The following DPYD variants were observed in gnomAD, a reference collection of about 807,000 sequenced individuals.
DPYD encodes dihydropyrimidine dehydrogenase [NADP(+)].
A neutral mutation model predicts 116.2 loss-of-function variants in DPYD; 109 were observed. The ratio of observed to expected loss-of-function variants is 0.94; its 90% CI spans 0.80 to 1.10. The LOEUF (loss-of-function observed/expected upper bound fraction) is 1.10, where lower values mean the gene tolerates loss of function less well. DPYD is among the 50% of genes least tolerant of loss of function. DPYD has a pLI of 0.00. For missense variants in DPYD, 1,302 were observed against 1,254.5 expected, an observed-to-expected ratio of 1.04 and a Z score of -0.57; for synonymous variants, 440 against 432.0, an observed-to-expected ratio of 1.02 and a Z score of -0.23.
chr1:97,280,266 T>C (rs1217048264), intron 18 of DPYD: 2 of 151,752 alleles, frequency 1.3e-5, no homozygotes, highest in African/African-American at 2.4e-5. Context: ...AATAAATGAA[T>C]AATGAGGCAG....
intron 16 of DPYD, among the ~76,000 whole-genome samples, chr1:97,332,188 C>T (rs1420645122): frequency 1.3e-5 from 2 of 152,276 alleles, no homozygotes; most frequent in East Asian, 1.9e-4. Context: ...GTCTGAGCTG[C>T]TTCTCTACAA....
chr1:97,902,103 AC>A, intron 1 of DPYD, among the ~76,000 whole-genome samples: 1 of 151,800 alleles, frequency 6.6e-6, no homozygotes, highest in African/African-American at 2.4e-5. Flanking sequence ...ATCTCCAGGA[AC>A]TTATATAAGG....
chr1:97,446,164 G>A (rs189180156), intron 14 of DPYD, among the ~76,000 whole-genome samples: 6 of 152,218 alleles, frequency 3.9e-5, no homozygotes, highest in South Asian at 4.2e-4. Context: ...TACTCACCAC[G>A]ACATCAAAAT....
intron 5 of DPYD, among the ~76,000 whole-genome samples, chr1:97,704,842 C>T (rs934116912): frequency 4.0e-5 from 6 of 151,884 alleles, no homozygotes; most frequent in South Asian, 2.1e-4. Context: ...ACTGCCGAAA[C>T]AATGTAATAA....
chr1:97,905,041 T>C (rs1177592731), intron 1 of DPYD, among the ~76,000 whole-genome samples: 3 of 152,012 alleles, frequency 2.0e-5, no homozygotes, highest in Non-Finnish European at 4.4e-5. Flanking sequence ...TTAAGCCCAA[T>C]ATATGTTTTT....
At chr1:97,228,506 T>A (rs1661345970) in intron 19 of DPYD, among the ~76,000 whole-genome samples, 1 of 152,188 alleles carries the variant, frequency 6.6e-6, no homozygotes, top group African/African-American at 2.4e-5. Context: ...ATCTTAATTT[T>A]AGTAGGGCAC....
At chr1:97,469,397 CAAAAAAAAAAAAAAAAAAAA>C (rs59090402) in intron 13 of DPYD, among the ~76,000 whole-genome samples, 1 of 80,800 alleles carries the variant, frequency 1.2e-5, no homozygotes, top group African/African-American at 5.4e-5. Flanking sequence ...GCTAAAATTG[CAAAAAAAAAAAAAAAAAAAA>C]AAAAAAAAAA....
chr1:97,697,285 C>T (rs570954238), intron 6 of DPYD, among the ~76,000 whole-genome samples: 9 of 152,150 alleles, frequency 5.9e-5, no homozygotes, highest in Admixed American at 2.6e-4. Flanking sequence ...GGTTGTGATA[C>T]TAATTCACCA....
intron 14 of DPYD, among the ~76,000 whole-genome samples, chr1:97,424,754 C>T (rs1025063320): frequency 6.6e-6 from 1 of 151,896 alleles, no homozygotes; most frequent in African/African-American, 2.4e-5. Context: ...TTCTTCTGCC[C>T]ACAGTGAACT....
chr1:97,762,133 T>A (rs1204462175), intron 3 of DPYD, among the ~76,000 whole-genome samples: 1 of 151,826 alleles, frequency 6.6e-6, no homozygotes, highest in East Asian at 1.9e-4. Flanking sequence ...ACAACAAACC[T>A]GCACATGGAC....
chr1:97,885,227 C>A (rs558868074), intron 1 of DPYD, among the ~76,000 whole-genome samples: 2 of 152,066 alleles, frequency 1.3e-5, no homozygotes, highest in South Asian at 2.1e-4. Flanking sequence ...GGGTCATGTT[C>A]ATCATTTTCA....
intron 3 of DPYD, among the ~76,000 whole-genome samples, chr1:97,746,725 A>G (rs1664578508): frequency 6.6e-6 from 1 of 152,114 alleles, no homozygotes. Flanking sequence ...AGGTACAGAC[A>G]GTTATAACCA....
At chr1:97,165,345 A>G (rs538465532) in intron 20 of DPYD, among the ~76,000 whole-genome samples, 1 of 152,344 alleles carries the variant, frequency 6.6e-6, no homozygotes, top group Non-Finnish European at 1.5e-5. Context: ...TCCCTGTTCG[A>G]TAAATGATGC....
intron 12 of DPYD, among the ~76,000 whole-genome samples, chr1:97,544,221 A>G (rs1232645434): frequency 6.6e-6 from 1 of 152,202 alleles, no homozygotes; most frequent in Non-Finnish European, 1.5e-5. Context: ...TAAGTTAATG[A>G]CAATGTGGAG....
intron 3 of DPYD, among the ~76,000 whole-genome samples, chr1:97,825,142 C>G (rs1669172075): frequency 6.6e-6 from 1 of 151,928 alleles, no homozygotes; most frequent in Admixed American, 6.6e-5. Context: ...TTTTACACAC[C>G]AGGGCTACAG....
intron 22 of DPYD, among the ~76,000 whole-genome samples, chr1:97,081,327 G>GA (rs1457500324): frequency 2.0e-5 from 3 of 151,740 alleles, no homozygotes; most frequent in Non-Finnish European, 4.4e-5. Context: ...CTTATAGCTT[G>GA]AAAAATATAA....
chr1:97,254,255 A>G (rs754500009), intron 18 of DPYD, among the ~76,000 whole-genome samples: 5 of 152,170 alleles, frequency 3.3e-5, no homozygotes, highest in African/African-American at 1.2e-4. Context: ...GGCTCTAGGC[A>G]TTGCACTGTA....
intron 7 of DPYD, among the ~76,000 whole-genome samples, chr1:97,684,288 T>C (rs1660591306): frequency 6.6e-6 from 1 of 152,126 alleles, no homozygotes; most frequent in African/African-American, 2.4e-5. Context: ...AATTTCATTG[T>C]TTACCCAGGA....
At chr1:97,750,730 G>C (rs370800302) in intron 3 of DPYD, among the ~76,000 whole-genome samples, 1 of 152,080 alleles carries the variant, frequency 6.6e-6, no homozygotes, top group Non-Finnish European at 1.5e-5. Context: ...ATTTACACAG[G>C]TTTGAACTGC....
Sources: allele counts gnomAD v4.1 joint callset (sites outside exome capture counted in the v4.1 genomes callset), GRCh38; gene constraint gnomAD v4.1.1; transcripts MANE v1.5; gene names NCBI Gene and HGNC (gene_info 2026-07-23, HGNC 2026-07-21).